Variants in AMPH observed in about 807,000 individuals in gnomAD.
AMPH encodes amphiphysin, also known as amphiphysin (Stiff-Mann syndrome with breast cancer 128kD autoantigen).
AMPH carries 49 observed loss-of-function variants against 99.1 expected under a neutral mutation model. The ratio of observed to expected loss-of-function variants is 0.49; its 90% confidence interval spans 0.39 to 0.63. The LOEUF (loss-of-function observed/expected upper bound fraction) is 0.63, where lower values mean the gene tolerates loss of function less well. AMPH is among the 20% of genes least tolerant of loss of function. The probability of loss-of-function intolerance (pLI) is 0.00; values close to 1 mark genes in which losing one functional copy is unlikely to be tolerated. For synonymous variants in AMPH, 314 were observed against 317.3 expected, an observed-to-expected ratio of 0.99 and a Z score of 0.11; for missense variants, 759 against 863.4, an observed-to-expected ratio of 0.88 and a Z score of 1.52.
intron 17 of AMPH, among the ~76,000 whole-genome samples, chr7:38,407,070 ATATATATG>A (rs1309204296): frequency 9.9e-5 from 3 of 30,254 alleles, no homozygotes; most frequent in Non-Finnish European, 2.0e-4. Flanking sequence ...ATATATATAT[ATATATATG>A]TGTGTGTGTG....
At chr7:38,428,804 A>T in intron 14 of AMPH, 6 of 457,772 alleles carry the variant, frequency 1.3e-5, no homozygotes, top group Non-Finnish European at 2.6e-5. Flanking sequence ...CTTTTGCCAT[A>T]TCTCCTCCTT....
chr7:38,498,326 T>C (rs1451336398), intron 3 of AMPH, among the ~76,000 whole-genome samples: 1 of 152,200 alleles, frequency 6.6e-6, no homozygotes, highest in African/African-American at 2.4e-5. Context: ...AGCAAAGTAG[T>C]TGGCACAAGC....
chr7:38,441,779 C>CATATATATATCATAT (rs1786530394), intron 11 of AMPH, among the ~76,000 whole-genome samples: 1 of 135,220 alleles, frequency 7.4e-6, no homozygotes, highest in Non-Finnish European at 1.6e-5. Flanking sequence ...TGATATATAT[C>CATATATATATCATAT]ATATATCTGT....
intron 1 of AMPH, among the ~76,000 whole-genome samples, chr7:38,563,521 G>A (rs924762374): frequency 3.3e-5 from 5 of 152,262 alleles, no homozygotes; most frequent in Non-Finnish European, 7.4e-5. Context: ...ATTGGGTTTT[G>A]AGTCTAAGAA....
chr7:38,588,794 C>T (rs1792755780), intron 1 of AMPH, among the ~76,000 whole-genome samples: 1 of 151,936 alleles, frequency 6.6e-6, no homozygotes, highest in Non-Finnish European at 1.5e-5. Flanking sequence ...TTATTACTTC[C>T]AAACTATCAT....
chr7:38,425,147 A>T (rs190403565), intron 15 of AMPH, among the ~76,000 whole-genome samples: 67 of 152,312 alleles, frequency 4.4e-4, no homozygotes, highest in African/African-American at 1.6e-3. Flanking sequence ...CAAATGAATG[A>T]TTAAACCACA....
intron 1 of AMPH, among the ~76,000 whole-genome samples, chr7:38,580,710 G>C (rs73126110): frequency 6.6e-6 from 1 of 151,776 alleles, no homozygotes; most frequent in African/African-American, 2.4e-5. Flanking sequence ...TGACGATGAC[G>C]ATAAGGGTCT....
intron 20 of AMPH, among the ~76,000 whole-genome samples, chr7:38,388,819 T>A (rs573393143): frequency 7.9e-5 from 12 of 151,950 alleles, no homozygotes; most frequent in South Asian, 4.2e-4. Context: ...AAAAAAAAAA[T>A]TTTTTGTAGA....
intron 1 of AMPH, among the ~76,000 whole-genome samples, chr7:38,581,627 G>A (rs1792467934): frequency 6.6e-6 from 1 of 152,214 alleles, no homozygotes; most frequent in Admixed American, 6.5e-5. Flanking sequence ...ATGGCTGTGT[G>A]AAGAAGAGAT....
At chr7:38,497,894 G>A in intron 3 of AMPH, among the ~76,000 whole-genome samples, 1 of 152,160 alleles carries the variant, frequency 6.6e-6, no homozygotes, top group East Asian at 1.9e-4. Flanking sequence ...ACACATAAAT[G>A]AAGAACTATT....
chr7:38,567,978 G>A (rs2392586), intron 1 of AMPH, among the ~76,000 whole-genome samples: 125,732 of 152,070 alleles, frequency 0.83, 52,433 homozygotes, highest in African/African-American at 0.91. Context: ...ATATTTTCCT[G>A]TTACATATTA....
intron 17 of AMPH, among the ~76,000 whole-genome samples, chr7:38,398,195 AC>A (rs1237294271): frequency 3.8e-5 from 5 of 132,794 alleles, no homozygotes; most frequent in Non-Finnish European, 5.1e-5. Flanking sequence ...AAAAAAAAAA[AC>A]AAAAAAAAAA....
intron 2 of AMPH, among the ~76,000 whole-genome samples, chr7:38,504,622 G>A (rs553643866): frequency 1.3e-5 from 2 of 152,272 alleles, no homozygotes; most frequent in South Asian, 4.2e-4. Flanking sequence ...ACTGAAAGGC[G>A]AGGAAGCTGA....
intron 1 of AMPH, among the ~76,000 whole-genome samples, chr7:38,568,562 C>T (rs1471331953): frequency 1.3e-5 from 2 of 152,230 alleles, no homozygotes; most frequent in African/African-American, 4.8e-5. Flanking sequence ...TGTTATCACA[C>T]ATGGCTGCTG....
intron 1 of AMPH, among the ~76,000 whole-genome samples, chr7:38,556,875 A>C (rs1017827232): frequency 5.9e-5 from 9 of 152,342 alleles, no homozygotes; most frequent in Admixed American, 3.3e-4. Context: ...CAAGAGGGGA[A>C]AACTAACTCT....
intron 11 of AMPH, among the ~76,000 whole-genome samples, chr7:38,460,302 A>G (rs1256066768): frequency 6.6e-6 from 1 of 152,200 alleles, no homozygotes; most frequent in East Asian, 1.9e-4. Context: ...AAAACTAAAA[A>G]TAGAACTACC....
intron 16 of AMPH, among the ~76,000 whole-genome samples, chr7:38,421,377 T>C (rs1785577674): frequency 6.6e-6 from 1 of 152,214 alleles, no homozygotes; most frequent in Non-Finnish European, 1.5e-5. Context: ...GAATCACCAA[T>C]GAACATGAAG....
chr7:38,619,001 C>A (rs1286383451), intron 1 of AMPH, among the ~76,000 whole-genome samples: 1 of 152,070 alleles, frequency 6.6e-6, no homozygotes, highest in African/African-American at 2.4e-5. Context: ...GATTCAAAGA[C>A]ACAAATAAGT....
chr7:38,488,648 A>G (rs1788606236), intron 5 of AMPH, among the ~76,000 whole-genome samples: 3 of 152,182 alleles, frequency 2.0e-5, no homozygotes, highest in Admixed American at 2.0e-4. Flanking sequence ...CTGCACATGC[A>G]TCCCAGAACT....
Sources: gnomAD v4.1 joint callset for allele counts (sites outside exome capture counted in the v4.1 genomes callset) on GRCh38, gnomAD v4.1.1 for gene constraint, MANE v1.5 for transcripts, NCBI Gene and HGNC (gene_info 2026-07-23, HGNC 2026-07-21) for gene names.